The following BBX variants were observed in gnomAD, a reference collection of about 807,000 sequenced individuals.
BBX encodes BBX high mobility group box domain containing, also known as HMG box transcription factor BBX.
In BBX, 30 loss-of-function variants were observed where a neutral mutation model predicts 100.2. The observed-to-expected ratio is 0.30, with a 90% confidence interval of 0.22 to 0.41. BBX has a LOEUF of 0.41. Ranked by LOEUF, BBX falls within the 10% of genes least tolerant of loss-of-function variation. BBX has a pLI of 1.00. For synonymous variants in BBX, 376 were observed against 388.1 expected, an observed-to-expected ratio of 0.97 and a Z score of 0.37; for missense variants, 1,023 against 1,129.8, an observed-to-expected ratio of 0.91 and a Z score of 1.35.
chr3:107,655,516 T>TAA (rs2058083578), intron 3 of BBX, among the ~76,000 whole-genome samples: 1 of 147,576 alleles, frequency 6.8e-6, no homozygotes, highest in Admixed American at 6.7e-5. Context: ...AATTAATTTT[T>TAA]TTTTTTTTTT....
At position 107,728,719 on chromosome 3, in the gene BBX, A is replaced by T. The variant is rs1181667806; in HGVS notation, c.406-46A>T. The T allele has an allele frequency of 3.3e-6, 5 of 1,532,630 alleles. No homozygotes were observed. The South Asian group carries it at 3.7e-5, about 11-fold the overall frequency. 94.9% of individuals were successfully genotyped at this position (1,532,630 alleles called of 1,614,324 possible). On this transcript the variant is annotated intron_variant, in intron 5 of 17. Transcript: ENST00000325805. ...GGGTGACAGCCTTTAGAACTTTTTC[A>T]ATCTATTTGTTAATTAAAATCTGCT...
rs1318896433 is a variant in BBX at position 107,764,321 on chromosome 3, TCTTTC to T, written c.907-8303_907-8299del. Among the ~76,000 whole-genome samples the T allele has an allele frequency of 2.0e-5, 3 of 152,188 alleles. No individual in the cohort carries two copies. In the East Asian group the frequency reaches 5.8e-4, roughly 29 times the overall value. ...TTGTATTTTATAGGCTTAAAGTAAC[TCTTTC>T]CTTGTGCGAATCAGAATGCATTTTA... On this transcript the variant is annotated intron_variant, in intron 10 of 17. Coordinates refer to ENST00000325805, the MANE Select transcript of BBX (RefSeq NM_001142568.3).
At chr3:107,770,544 T>C (rs943024410) in intron 10 of BBX, among the ~76,000 whole-genome samples, 1 of 152,178 alleles carries the variant, frequency 6.6e-6, no homozygotes, top group Non-Finnish European at 1.5e-5. Context: ...GCAGGGAATA[T>C]TAAAGGTTTC....
At chr3:107,701,234 G>T (rs2061024564) in intron 3 of BBX, among the ~76,000 whole-genome samples, 1 of 152,132 alleles carries the variant, frequency 6.6e-6, no homozygotes, top group South Asian at 2.1e-4. Context: ...GAGTGACAAG[G>T]ATTGCAGGGG....
chr3:107,693,336 A>G (rs1184933116), intron 3 of BBX, among the ~76,000 whole-genome samples: 1 of 151,802 alleles, frequency 6.6e-6, no homozygotes, highest in Non-Finnish European at 1.5e-5. Flanking sequence ...TTTTAGGTCT[A>G]ACGTTTAAGT....
At chr3:107,590,241 GTA>G (rs1446183125) in intron 2 of BBX, among the ~76,000 whole-genome samples, 2 of 152,060 alleles carry the variant, frequency 1.3e-5, no homozygotes, top group African/African-American at 4.8e-5. Context: ...ATGTATTTAT[GTA>G]TATAGGCATC....
At chr3:107,669,639 A>G (rs572132048) in intron 3 of BBX, among the ~76,000 whole-genome samples, 1 of 152,300 alleles carries the variant, frequency 6.6e-6, no homozygotes, top group Non-Finnish European at 1.5e-5. Context: ...AAACTGCTAT[A>G]GTTATCTCTT....
At chr3:107,685,602 G>C (rs574806978) in intron 3 of BBX, among the ~76,000 whole-genome samples, 1 of 152,350 alleles carries the variant, frequency 6.6e-6, no homozygotes, top group East Asian at 1.9e-4. Context: ...AATGGACCTT[G>C]ATTTCCACTT....
intron 3 of BBX, among the ~76,000 whole-genome samples, chr3:107,695,531 T>G (rs999354660): frequency 4.1e-5 from 6 of 147,464 alleles, no homozygotes; most frequent in Non-Finnish European, 4.5e-5. Context: ...AATCCTGAAT[T>G]CTAGTTTGAT....
At chr3:107,641,932 G>T (rs1041752843) in intron 2 of BBX, 7 of 152,142 alleles carry the variant, frequency 4.6e-5, no homozygotes, top group African/African-American at 1.7e-4. Context: ...TTATATGTGT[G>T]TGTATGTGAG....
At chr3:107,645,283 TC>T (rs2107784908) in intron 2 of BBX, among the ~76,000 whole-genome samples, 1 of 152,334 alleles carries the variant, frequency 6.6e-6, no homozygotes, top group East Asian at 1.9e-4. Flanking sequence ...AATTACTTCA[TC>T]CTTTATCCTT....
rs2064896970 is a variant in BBX, at chr3:107,749,536, A to G, written c.825+1497A>G. 2.6e-5 allele frequency among the ~76,000 whole-genome samples: 4 copies of G among 152,234 alleles called. No homozygotes were observed. In the South Asian group the frequency reaches 8.3e-4, roughly 32 times the overall value. On this transcript the variant is annotated intron_variant, in intron 9 of 17. Coordinates refer to ENST00000325805, the MANE Select transcript of BBX (RefSeq NM_001142568.3). The stretch of plus-strand genomic sequence containing the variant: ...ATATTTACATATCCATTGACTACCA[A>G]GAGTATTCAGCTTAACTTAAAATAC...
chr3:107,559,148 A>G (rs1473634095), intron 2 of BBX, among the ~76,000 whole-genome samples: 2 of 152,258 alleles, frequency 1.3e-5, no homozygotes, highest in Non-Finnish European at 2.9e-5. Context: ...AGGCCAAATA[A>G]TGGATATCCC....
chr3:107,545,631 T>C (rs2049177683), intron 2 of BBX, among the ~76,000 whole-genome samples: 1 of 152,160 alleles, frequency 6.6e-6, no homozygotes, highest in Non-Finnish European at 1.5e-5. Context: ...TTCTTTATCT[T>C]TGTGCTATCC....
At chr3:107,709,147 G>C (rs1475875035) in intron 3 of BBX, among the ~76,000 whole-genome samples, 1 of 152,080 alleles carries the variant, frequency 6.6e-6, no homozygotes, top group Non-Finnish European at 1.5e-5. Flanking sequence ...TAAAAAAGAA[G>C]CTAGATCCTT....
At chr3:107,710,035 C>T (rs377120004) in intron 3 of BBX, among the ~76,000 whole-genome samples, 8 of 152,190 alleles carry the variant, frequency 5.3e-5, no homozygotes, top group African/African-American at 1.9e-4. Flanking sequence ...GGGGCAAGCC[C>T]CTGTGAACTC....
At chr3:107,568,265 A>ATTTT (rs36099700) in intron 2 of BBX, among the ~76,000 whole-genome samples, 1 of 131,526 alleles carries the variant, frequency 7.6e-6, no homozygotes, top group Non-Finnish European at 1.6e-5. Flanking sequence ...ATTTTCTGCT[A>ATTTT]TTTTTTTTTT....
At chr3:107,632,405 T>G (rs1010248755) in intron 2 of BBX, among the ~76,000 whole-genome samples, 2 of 152,152 alleles carry the variant, frequency 1.3e-5, no homozygotes, top group African/African-American at 4.8e-5. Flanking sequence ...TTTTACATAT[T>G]TATTAGTACT....
chr3:107,572,194 T>C (rs185907534), intron 2 of BBX, among the ~76,000 whole-genome samples: 6 of 152,354 alleles, frequency 3.9e-5, no homozygotes, highest in African/African-American at 1.4e-4. Flanking sequence ...CACTGTGTGC[T>C]GGTGACCACA....
Sources: allele counts gnomAD v4.1 joint callset (sites outside exome capture counted in the v4.1 genomes callset), GRCh38; gene constraint gnomAD v4.1.1; transcripts MANE v1.5; gene names NCBI Gene and HGNC (gene_info 2026-07-23, HGNC 2026-07-21).